The following MARK1 variants were observed in gnomAD, a reference collection of about 807,000 sequenced individuals.
MARK1 encodes serine/threonine-protein kinase MARK1.
Under a neutral mutation model 96.3 loss-of-function variants are expected in MARK1, and 40 were observed. The observed-to-expected ratio is 0.42, with a 90% CI of 0.32 to 0.54. MARK1 has a LOEUF of 0.54. MARK1 is among the 20% of genes least tolerant of loss of function. MARK1 has a pLI of 0.16. For missense variants in MARK1, 719 were observed against 984.6 expected, an observed-to-expected ratio of 0.73 and a Z score of 3.61; for synonymous variants, 317 against 341.2, an observed-to-expected ratio of 0.93 and a Z score of 0.78.
chr1:220,592,517 A>G (rs557806798), intron 3 of MARK1, among the ~76,000 whole-genome samples: 1 of 152,168 alleles, frequency 6.6e-6, no homozygotes, highest in African/African-American at 2.4e-5. Context: ...CCAGATGAGA[A>G]CCATCCTGGA....
chr1:220,531,255 T>C (rs917183325), intron 1 of MARK1, among the ~76,000 whole-genome samples: 1 of 152,192 alleles, frequency 6.6e-6, no homozygotes, highest in Non-Finnish European at 1.5e-5. Context: ...TTAATGCCAG[T>C]ATGGCAGCCA....
intron 2 of MARK1, 39 bp from the exon 3 acceptor site, chr1:220,581,026 G>T (rs1191573630): frequency 2.4e-6 from 2 of 823,480 alleles, no homozygotes; most frequent in East Asian, 5.9e-5. Flanking sequence ...ATTAAAATAT[G>T]CATTTTTCAA....
At chr1:220,629,158 G>A (rs1169820516) in intron 9 of MARK1, among the ~76,000 whole-genome samples, 2 of 152,132 alleles carry the variant, frequency 1.3e-5, no homozygotes, top group African/African-American at 4.8e-5. Context: ...GGCAAGTAAA[G>A]TTTAAAGATG....
rs570683905 is a variant in MARK1, at chr1:220,655,537, G to A, written c.1988+2185G>A. On this transcript the variant is annotated intron_variant, in intron 16 of 17. Coordinates refer to ENST00000366917, the MANE Select transcript of MARK1 (RefSeq NM_018650.5). ...AGTTGCTCAGACCATAAGCCTTGGA[G>A]TTATCCTTGACACTTCTTTTCCTCA... 2.6e-5 allele frequency among the ~76,000 whole-genome samples: 4 copies of A among 151,292 alleles called. No homozygotes were observed. In the South Asian group the frequency reaches 8.3e-4, roughly 31 times the overall value.
chr1:220,633,762 A>G (rs1400185238), intron 11 of MARK1, among the ~76,000 whole-genome samples: 3 of 152,356 alleles, frequency 2.0e-5, no homozygotes, highest in South Asian at 2.1e-4. Context: ...GAGATTTCCA[A>G]TATGGAAGAC....
At chr1:220,624,609 A>G (rs1667220771) in intron 9 of MARK1, among the ~76,000 whole-genome samples, 1 of 152,104 alleles carries the variant, frequency 6.6e-6, no homozygotes, top group South Asian at 2.1e-4. Flanking sequence ...AAAAAAAAAA[A>G]AAAAAAGTTT....
intron 1 of MARK1, among the ~76,000 whole-genome samples, chr1:220,556,232 C>G (rs1410852670): frequency 1.3e-5 from 2 of 152,176 alleles, no homozygotes; most frequent in Non-Finnish European, 2.9e-5. Flanking sequence ...AGAAAAAACT[C>G]TGCCCCTTAG....
chr1:220,612,041 C>T (rs1021182843), intron 6 of MARK1, among the ~76,000 whole-genome samples: 22 of 152,120 alleles, frequency 1.4e-4, no homozygotes, highest in African/African-American at 5.1e-4. Context: ...CCACACACAT[C>T]GTTTTAAGTA....
chr1:220,599,835 C>T lies in MARK1; in HGVS notation c.396C>T (p.Leu132=). The change falls in exon 5 of 18, where the codon CTC becomes CTT. Residue 132 remains leucine, a synonymous_variant. Transcript: ENST00000366917. Reference sequence around the variant, plus strand: ...AAGTTATTGAAACAGAGAAGACTCTCTATTTAGTCATGGAATACGCGAGTG... The same window carrying T: ...AAGTTATTGAAACAGAGAAGACTCTTTATTTAGTCATGGAATACGCGAGTG... ...LFEVIETEKT[L]YLVMEYASGG... The T allele has an allele frequency of 3.7e-6, 6 of 1,608,794 alleles. No individual in the cohort carries two copies. Among genetic ancestry groups the T allele is most frequent in the Non-Finnish European group, 5.1e-6 (6 of 1,176,982 alleles).
chr1:220,600,712 G>A (rs2589591), intron 5 of MARK1, among the ~76,000 whole-genome samples: 142,893 of 152,182 alleles, frequency 0.94, 67,799 homozygotes, highest in East Asian at 1. Context: ...TATTTGGCTG[G>A]TTGATTTTTT....
chr1:220,653,372 C>T lies in MARK1; in HGVS notation c.1988+20C>T, dbSNP rs370665109. The stretch of plus-strand genomic sequence containing the variant: ...TCGCAGGTCAGTACCAATGTACTGT[C>T]GTGTTTTGATTCCTCTAGAAATTAT... On this transcript the variant is annotated intron_variant, in intron 16 of 17. Coordinates refer to ENST00000366917, the MANE Select transcript of MARK1 (RefSeq NM_018650.5). 40 of 1,607,480 alleles carry T rather than the reference C, an allele frequency of 2.5e-5. No homozygotes were observed. Among genetic ancestry groups the T allele is most frequent in the African/African-American group, 9.4e-5 (7 of 74,714 alleles).
chr1:220,625,760 C>G, intron 9 of MARK1: 2 of 447,254 alleles, frequency 4.5e-6, no homozygotes, highest in Non-Finnish European at 4.6e-6. Context: ...CACAGGGCAC[C>G]AGGAGGAAAG....
At position 220,587,512 on chromosome 1, in the gene MARK1, G is replaced by A. The variant is rs192961882; in HGVS notation, c.309+6394G>A. 8.6e-3 allele frequency among the ~76,000 whole-genome samples: 1,302 copies of A among 152,068 alleles called. 16 individuals are homozygous for A. Among genetic ancestry groups the A allele is most frequent in the African/African-American group, 0.029 (1,192 of 41,470 alleles). On this transcript the variant is annotated intron_variant, in intron 3 of 17. Coordinates refer to ENST00000366917, the MANE Select transcript of MARK1 (RefSeq NM_018650.5). ...GCCTCCCAAGTAGCTGGGATTACAG[G>A]TGCCCGCCACCAAGCCCAGCTAATT... is the stretch of plus-strand genomic sequence containing the variant.
intron 1 of MARK1, among the ~76,000 whole-genome samples, chr1:220,566,570 A>C (rs1663073642): frequency 6.6e-6 from 1 of 152,214 alleles, no homozygotes; most frequent in Non-Finnish European, 1.5e-5. Flanking sequence ...GGATGTAAAT[A>C]CACTGTGCTT....
chr1:220,573,239 CTTTTA>C (rs1663594310), intron 1 of MARK1, among the ~76,000 whole-genome samples: 1 of 152,000 alleles, frequency 6.6e-6, no homozygotes, highest in Non-Finnish European at 1.5e-5. Flanking sequence ...ACCCTATTTT[CTTTTA>C]TTCCTTCTCT....
chr1:220,554,763 T>C (rs1056715030), intron 1 of MARK1, among the ~76,000 whole-genome samples: 6 of 152,200 alleles, frequency 3.9e-5, no homozygotes, highest in Admixed American at 6.5e-5. Context: ...TTATAAAACT[T>C]TGATAACTTA....
At chr1:220,624,263 A>T (rs1449146803) in intron 9 of MARK1, among the ~76,000 whole-genome samples, 1 of 142,020 alleles carries the variant, frequency 7.0e-6, no homozygotes, top group Non-Finnish European at 1.5e-5. Flanking sequence ...ATGCCACTGC[A>T]CTCCAGCCTG....
chr1:220,538,775 G>C (rs925702986), intron 1 of MARK1, among the ~76,000 whole-genome samples: 11 of 152,074 alleles, frequency 7.2e-5, no homozygotes, highest in African/African-American at 2.7e-4. Context: ...TCTTGAAGAG[G>C]TCCTTCACGT....
chr1:220,591,417 TCA>T (rs1394201100), intron 3 of MARK1, among the ~76,000 whole-genome samples: 1 of 152,192 alleles, frequency 6.6e-6, no homozygotes, highest in Non-Finnish European at 1.5e-5. Context: ...TCAAGATTAT[TCA>T]TATGACAGTG....
Sources: gnomAD v4.1 joint callset for allele counts (sites outside exome capture counted in the v4.1 genomes callset) on GRCh38, gnomAD v4.1.1 for gene constraint, MANE v1.5 for transcripts, NCBI Gene and HGNC (gene_info 2026-07-23, HGNC 2026-07-21) for gene names.